SCARA3: variants seen among roughly 807,000 people sequenced by gnomAD.
The protein encoded by SCARA3 is cellular stress response gene protein.
Under a neutral mutation model 47.0 loss-of-function variants are expected in SCARA3, and 39 were observed. The ratio of observed to expected loss-of-function variants is 0.83; its 90% CI spans 0.64 to 1.08. SCARA3 has a LOEUF of 1.08. SCARA3 is among the 50% of genes least tolerant of loss of function. SCARA3 has a pLI of 0.00. For missense variants in SCARA3, 724 were observed against 792.3 expected, an observed-to-expected ratio of 0.91 and a Z score of 1.04; for synonymous variants, 356 against 334.1, an observed-to-expected ratio of 1.07 and a Z score of -0.71.
the SCARA3 span, among the ~76,000 whole-genome samples, chr8:27,699,506 C>T: frequency 3.9e-3 from 595 of 152,038 alleles, 3 homozygotes; most frequent in African/African-American, 0.013. Flanking sequence ...TGCCAGGCCT[C>T]GGCAGCCTTG....
chr8:27,660,306 G>C (rs1327531360), intron 5 of SCARA3, among the ~76,000 whole-genome samples: 1 of 152,124 alleles, frequency 6.6e-6, no homozygotes, highest in South Asian at 2.1e-4. Context: ...TATATATATA[G>C]AGAGATAGAC....
At position 27,670,976 on chromosome 8, in the gene SCARA3, G is replaced by A. The variant is rs751993796; in HGVS notation, c.1446G>A (p.Pro482=). ...GVKGPVGGRG[P]KGDPGSLGPL... is the part of the protein sequence containing the mutation. ...AAGGGCCTGTTGGCGGCAGAGGCCC[G>A]AAAGGAGACCCCGGCAGCTTGGGCC... Residue 482 remains proline, a synonymous_variant, in exon 6 of 6, where the codon CCG becomes CCA. Transcript: ENST00000301904. The A allele has an allele frequency of 6.8e-6, 11 of 1,606,674 alleles. No individual in the cohort carries two copies. The highest frequency in any genetic ancestry group is 2.7e-5 in the African/African-American group (2 of 74,256).
chr8:27,659,146 C>T lies in SCARA3; in HGVS notation c.976C>T (p.His326Tyr). 6.2e-7 allele frequency: 1 copy of T among 1,614,176 alleles called. No individual in the cohort carries two copies. Among genetic ancestry groups the T allele is most frequent in the Non-Finnish European group, 8.5e-7 (1 of 1,180,038 alleles). ...CCTGGATGACCACGAAGAGAACATGCATGATCTTCAGTACCATACCCACTA... is the reference window on the plus strand; with the variant it reads ...CCTGGATGACCACGAAGAGAACATGTATGATCTTCAGTACCATACCCACTA... ...SFLDDHEENM[H>Y]DLQYHTHYAQ... The change falls in exon 5 of 6, where the codon CAT becomes TAT. Residue 326 changes from histidine (H) to tyrosine (Y), a missense_variant. Physicochemically the swap from His to Tyr is moderately conservative, Grantham distance 83. Transcript: ENST00000301904.
chr8:27,681,501 C>T (rs1365687834), downstream of SCARA3, among the ~76,000 whole-genome samples: 1 of 152,032 alleles, frequency 6.6e-6, no homozygotes, highest in Admixed American at 6.6e-5. Context: ...AGGCAGGAGG[C>T]TCACTTGAGG....
At chr8:27,687,575 G>C in the SCARA3 span, among the ~76,000 whole-genome samples, 1,696 of 152,226 alleles carry the variant, frequency 0.011, 27 homozygotes, top group African/African-American at 0.037. Flanking sequence ...TCAAGAACAA[G>C]ACAAAAGTCT....
At position 27,639,222 on chromosome 8, in the gene SCARA3, A is replaced by G. The variant is rs112783686; in HGVS notation, c.7+5015A>G. 2.3e-3 allele frequency among the ~76,000 whole-genome samples: 348 copies of G among 152,308 alleles called. 2 individuals are homozygous for G. The highest frequency in any genetic ancestry group is 8.1e-3 in the African/African-American group (337 of 41,554). Reference sequence around the variant, plus strand: ...ATGGAGTTCCTGTTTTTAGGGAGGAAGCACGCTAGTTGGAAGGCAAGCCTG... The same window carrying G: ...ATGGAGTTCCTGTTTTTAGGGAGGAGGCACGCTAGTTGGAAGGCAAGCCTG... On this transcript the variant is annotated intron_variant, in intron 1 of 5. Transcript: ENST00000301904.
At chr8:27,724,454 G>A in the SCARA3 span, among the ~76,000 whole-genome samples, 1 of 152,128 alleles carries the variant, frequency 6.6e-6, no homozygotes, top group African/African-American at 2.4e-5. Flanking sequence ...ACAAGGTCGG[G>A]AGTTCGAGAT....
chr8:27,645,249 AT>A (rs1801468615), intron 1 of SCARA3, among the ~76,000 whole-genome samples: 1 of 152,264 alleles, frequency 6.6e-6, no homozygotes, highest in Non-Finnish European at 1.5e-5. Flanking sequence ...CATTTTTTAA[AT>A]ACACATGAGC....
chr8:27,637,333 C>T (rs1801275025), intron 1 of SCARA3, among the ~76,000 whole-genome samples: 1 of 152,256 alleles, frequency 6.6e-6, no homozygotes, highest in South Asian at 2.1e-4. Flanking sequence ...ATAGGCCCAC[C>T]TTGGAGCTTC....
At chr8:27,673,056 G>T, downstream of SCARA3, 1 of 946,558 alleles carries the variant, frequency 1.1e-6, no homozygotes, top group Admixed American at 6.2e-5. Flanking sequence ...TGACTTGGGG[G>T]CATGATGCCT....
At chr8:27,642,089 G>T (rs1450921752) in intron 1 of SCARA3, among the ~76,000 whole-genome samples, 4 of 152,198 alleles carry the variant, frequency 2.6e-5, no homozygotes, top group Non-Finnish European at 5.9e-5. Context: ...TGCTTACTAT[G>T]TGAATGTGAA....
chr8:27,719,493 A>G, the SCARA3 span, among the ~76,000 whole-genome samples: 2 of 151,970 alleles, frequency 1.3e-5, no homozygotes, highest in Non-Finnish European at 1.5e-5. Flanking sequence ...AAGTTTACCT[A>G]TGTAACAAAC....
the SCARA3 span, among the ~76,000 whole-genome samples, chr8:27,705,097 T>TCA: frequency 6.6e-6 from 1 of 152,194 alleles, no homozygotes; most frequent in South Asian, 2.1e-4. Flanking sequence ...GCTGCCTCCC[T>TCA]CACACTTTCC....
downstream of SCARA3, among the ~76,000 whole-genome samples, chr8:27,679,327 G>A (rs570882345): frequency 9.9e-5 from 15 of 152,200 alleles, no homozygotes; most frequent in East Asian, 2.9e-3. Context: ...TGTTAAAGGG[G>A]AAATCATCAC....
chr8:27,690,881 G>A, the SCARA3 span, among the ~76,000 whole-genome samples: 1 of 151,966 alleles, frequency 6.6e-6, no homozygotes, highest in Non-Finnish European at 1.5e-5. Flanking sequence ...GGAGGTCTCT[G>A]TATATTGCTC....
the SCARA3 span, among the ~76,000 whole-genome samples, chr8:27,721,349 T>TA: frequency 6.6e-6 from 1 of 152,224 alleles, no homozygotes; most frequent in African/African-American, 2.4e-5. Flanking sequence ...AACCGGGCAC[T>TA]GTTCTAGGCA....
the SCARA3 span, among the ~76,000 whole-genome samples, chr8:27,731,081 C>T: frequency 1.3e-5 from 2 of 149,320 alleles, no homozygotes; most frequent in South Asian, 4.3e-4. Context: ...GTTTTGTTTA[C>T]CCGCTTTTAT....
the SCARA3 span, among the ~76,000 whole-genome samples, chr8:27,727,953 T>C: frequency 3.3e-5 from 5 of 152,306 alleles, 1 homozygote; most frequent in East Asian, 9.7e-4. Context: ...CCAATCCTAC[T>C]ACACCAAGCT....
the SCARA3 span, among the ~76,000 whole-genome samples, chr8:27,723,807 C>G: frequency 6.6e-6 from 1 of 152,244 alleles, no homozygotes; most frequent in Non-Finnish European, 1.5e-5. Context: ...GCGATCTCAG[C>G]TCACTGCAAC....
Sources: gnomAD v4.1 joint callset for allele counts (sites outside exome capture counted in the v4.1 genomes callset) on GRCh38, gnomAD v4.1.1 for gene constraint, MANE v1.5 for transcripts, NCBI Gene and HGNC (gene_info 2026-07-23, HGNC 2026-07-21) for gene names.